Variants in TLE6 observed in about 807,000 individuals in gnomAD.
TLE6 encodes transducin-like enhancer protein 6.
A neutral mutation model predicts 77.1 loss-of-function variants in TLE6; 72 were observed. That is an observed-to-expected ratio of 0.93 (90% CI 0.77 to 1.14). TLE6 has a LOEUF of 1.14. TLE6 is among the 50% of genes most tolerant of loss of function. The probability of loss-of-function intolerance (pLI) is 0.00; values close to 1 mark genes in which losing one functional copy is unlikely to be tolerated. For missense variants in TLE6, 843 were observed against 747.6 expected (o/e 1.13, Z -1.49); for synonymous variants, 366 against 287.3 (o/e 1.27, Z -2.77).
intron 14 of TLE6, among the ~76,000 whole-genome samples, chr19:2,992,640 T>C (rs1389805064): frequency 6.6e-6 from 1 of 151,384 alleles, no homozygotes; most frequent in African/African-American, 2.4e-5. Flanking sequence ...CTGAGCATGG[T>C]GGCACGTACC....
chr19:2,991,250 T>G (rs1427102521), intron 13 of TLE6, among the ~76,000 whole-genome samples: 1 of 147,058 alleles, frequency 6.8e-6, no homozygotes, highest in Non-Finnish European at 1.5e-5. Flanking sequence ...TGCCAGCTAC[T>G]CGGGAGGCTG....
intron 2 of TLE6, among the ~76,000 whole-genome samples, chr19:2,978,882 T>C (rs966136485): frequency 7.2e-5 from 11 of 152,188 alleles, no homozygotes; most frequent in African/African-American, 2.4e-4. Context: ...TTTGTAAATT[T>C]AGGCTCTCAG....
Position 2,987,662 on chromosome 19 carries a change from C to T in TLE6, c.559-62C>T, listed in dbSNP as rs1255280436. On this transcript the variant is annotated intron_variant, in intron 8 of 16. Coordinates refer to ENST00000246112, the MANE Select transcript of TLE6 (RefSeq NM_001143986.2). ...AGCCCTGTGCAAGCTGCCCAGGAATCCGAGGTCTTCTGGTCCTAACAGGCA... is the reference window on the plus strand; with the variant it reads ...AGCCCTGTGCAAGCTGCCCAGGAATTCGAGGTCTTCTGGTCCTAACAGGCA... The T allele has an allele frequency of 2.5e-6, 4 of 1,585,298 alleles. No homozygotes were observed. The South Asian group carries it at 4.4e-5, about 18-fold the overall frequency.
chr19:2,987,675 G>T, intron 8 of TLE6, 49 bp from the exon 9 acceptor site: 2 of 1,605,010 alleles, frequency 1.2e-6, no homozygotes, highest in Non-Finnish European at 1.7e-6. Context: ...AGGTCTTCTG[G>T]TCCTAACAGG....
At chr19:2,988,950 A>G in intron 11 of TLE6, 111 bp from the exon 12 acceptor site, 1 of 1,499,238 alleles carries the variant, frequency 6.7e-7, no homozygotes, top group South Asian at 1.3e-5. Context: ...AAGGCCTGAG[A>G]GAGGGACCCC....
rs1175953647 is a variant in TLE6 at position 2,991,153 on chromosome 19, C to T, written c.1245-690C>T. ...CCGAGGCGGGCAGATCACCTGAGGT[C>T]GGGAGTTTGAGACCAGGCTAACATG... On this transcript the variant is annotated intron_variant, in intron 13 of 16. Coordinates refer to ENST00000246112, the MANE Select transcript of TLE6 (RefSeq NM_001143986.2). Among the ~76,000 whole-genome samples the T allele has an allele frequency of 4.0e-5, 6 of 151,088 alleles. No homozygotes were observed. The East Asian group carries it at 5.8e-4, about 15-fold the overall frequency.
intron 14 of TLE6, among the ~76,000 whole-genome samples, chr19:2,993,091 G>A (rs1033632662): frequency 1.4e-5 from 2 of 147,570 alleles, no homozygotes; most frequent in African/African-American, 5.0e-5. Flanking sequence ...CATGCCTGTA[G>A]TCCCAGCTAC....
intron 3 of TLE6, among the ~76,000 whole-genome samples, chr19:2,980,805 C>A (rs1342585683): frequency 6.6e-6 from 1 of 151,172 alleles, no homozygotes; most frequent in Non-Finnish European, 1.5e-5. Context: ...AATCCCAGCA[C>A]TTTGGGAGGC....
chr19:2,994,523 T>C (rs2089164219), intron 16 of TLE6, among the ~76,000 whole-genome samples: 1 of 152,022 alleles, frequency 6.6e-6, no homozygotes. Context: ...GGCAGGAGAA[T>C]GGCGTGAGCC....
At chr19:2,978,311 C>A in intron 2 of TLE6, 27 bp downstream of exon 2, 1 of 1,550,762 alleles carries the variant, frequency 6.4e-7, no homozygotes, top group Non-Finnish European at 8.7e-7. Flanking sequence ...GTGGGATCAG[C>A]CCTCAAGGGA....
chr19:2,980,065 G>A (rs375439786), intron 2 of TLE6, 35 bp from the exon 3 acceptor site: 251 of 1,528,330 alleles, frequency 1.6e-4, no homozygotes, highest in Non-Finnish European at 2.0e-4. Flanking sequence ...TTGGAGCATT[G>A]TAAGTTTTAT....
chr19:2,989,775 A>T lies in TLE6; in HGVS notation c.1234A>T (p.Ser412Cys). 6.2e-7 allele frequency: 1 copy of T among 1,613,712 alleles called. No individual in the cohort carries two copies. The highest frequency in any genetic ancestry group is 1.1e-5 in the South Asian group (1 of 91,048). The change falls in exon 13 of 17, where the codon AGT becomes TGT. Residue 412 changes from serine to cysteine, a missense_variant. By Grantham distance (112) the Ser-to-Cys change is moderately radical. Coordinates refer to ENST00000246112, the MANE Select transcript of TLE6 (RefSeq NM_001143986.2). ...VVRIWDLRDQ[S>C]VVRDLKGYPD... ...CAGGATCTGGGACCTGCGGGATCAG[A>T]GTGTGGTCAGGTGCGTTTGGGGGGT...
intron 16 of TLE6, 76 bp from the exon 17 acceptor site, chr19:2,994,824 C>T (rs1372731538): frequency 8.7e-6 from 7 of 806,302 alleles, no homozygotes; most frequent in South Asian, 3.2e-5. Context: ...GACGATGCTT[C>T]ATGCTTGAGC....
Position 2,987,119 on chromosome 19 carries a change from A to G in TLE6, c.422A>G (p.Gln141Arg). Residue 141 changes from glutamine (Q) to arginine (R), a missense_variant, in exon 7 of 17, where the codon CAG (glutamine) becomes CGG (arginine). Gln to Arg is a conservative substitution (Grantham distance 43). Transcript: ENST00000246112. ...WLRRPLGEDN[Q>R]PETQLFWDKE... is the part of the protein sequence containing the mutation. ...CGGCGGCCTTTGGGGGAGGACAATC[A>G]GCCGGAGACCCAGCTGTTCTGGGAC... The G allele has an allele frequency of 6.2e-7, 1 of 1,614,112 alleles. No homozygotes were observed. The highest frequency in any genetic ancestry group is 1.1e-5 in the South Asian group (1 of 91,084).
chr19:2,987,750 C>T lies in TLE6; in HGVS notation c.585C>T (p.Ser195=), dbSNP rs372825282. 1.0e-4 allele frequency: 162 copies of T among 1,614,056 alleles called. No homozygotes were observed. Among genetic ancestry groups the T allele is most frequent in the Non-Finnish European group, 1.3e-4 (149 of 1,180,040 alleles). ...GLGQESKAPG[S]CDPGTDPCPE... is the part of the protein sequence containing the mutation. The stretch of plus-strand genomic sequence containing the variant: ...GGCAGGAAAGCAAGGCACCAGGATC[C>T]TGTGACCCAGGAACAGACCCATGTC... The change falls in exon 9 of 17, where the codon TCC becomes TCT. Residue 195 remains serine, a synonymous_variant. Transcript: ENST00000246112.
chr19:2,978,399 C>A, intron 2 of TLE6, 115 bp downstream of exon 2: 1 of 1,009,682 alleles, frequency 9.9e-7, no homozygotes, highest in Non-Finnish European at 1.5e-6. Context: ...CAGCTGAAGA[C>A]AATACTGGTC....
intron 16 of TLE6, among the ~76,000 whole-genome samples, chr19:2,994,325 G>A (rs904861888): frequency 6.6e-6 from 1 of 151,908 alleles, no homozygotes; most frequent in Non-Finnish European, 1.5e-5. Context: ...AAAATAATTA[G>A]CTGAGCCGGG....
At chr19:2,989,456 A>G (rs1229168401) in intron 12 of TLE6, 79 bp from the exon 13 acceptor site, 9 of 1,570,414 alleles carry the variant, frequency 5.7e-6, no homozygotes, top group South Asian at 2.4e-5. Flanking sequence ...GATGAATAGG[A>G]GTTCGCTCTC....
chr19:2,986,662 C>G (rs557084954), intron 5 of TLE6, among the ~76,000 whole-genome samples, 167 bp from the exon 6 acceptor site: 1 of 150,646 alleles, frequency 6.6e-6, no homozygotes, highest in Admixed American at 6.6e-5. Flanking sequence ...TGCAGTGAGC[C>G]GAGATTGCAC....
Sources: gnomAD v4.1 joint callset for allele counts (sites outside exome capture counted in the v4.1 genomes callset) on GRCh38, gnomAD v4.1.1 for gene constraint, MANE v1.5 for transcripts, NCBI Gene and HGNC (gene_info 2026-07-23, HGNC 2026-07-21) for gene names.